Variants in PLA2G4B observed in about 807,000 individuals in gnomAD.
PLA2G4B encodes phospholipase A2 group IVB.
In PLA2G4B, 122 loss-of-function variants were observed where a neutral mutation model predicts 95.8. The observed-to-expected ratio is 1.27, with a 90% CI of 1.10 to 1.48. PLA2G4B has a LOEUF of 1.48. Ranked by LOEUF, PLA2G4B falls within the 40% of genes most tolerant of loss-of-function variation. The pLI is 0.00. For synonymous variants in PLA2G4B, 518 were observed against 421.5 expected, an observed-to-expected ratio of 1.23 and a Z score of -2.80; for missense variants, 1,158 against 996.2, an observed-to-expected ratio of 1.16 and a Z score of -2.19.
chr15:41,842,093 C>A, intron 8 of PLA2G4B, 100 bp from the exon 9 acceptor site: 1 of 1,571,678 alleles, frequency 6.4e-7, no homozygotes. Flanking sequence ...CCCTTCCCGT[C>A]CCTCCCATAA....
rs1567172837 is a variant in PLA2G4B, at chr15:41,846,278, A to C, written c.1676A>C (p.Asp559Ala). The C allele has an allele frequency of 6.2e-7, 1 of 1,614,064 alleles. No homozygotes were observed. The highest frequency in any genetic ancestry group is 1.1e-5 in the South Asian group (1 of 91,080). The change falls in exon 17 of 20, where the codon GAT becomes GCT. Residue 559 changes from aspartate to alanine, a missense_variant. Physicochemically the swap from Asp to Ala is moderately radical, Grantham distance 126. Coordinates refer to ENST00000458483, the MANE Select transcript of PLA2G4B (RefSeq NM_001114633.2). ...TAGRIAEFFT[D>A]LLTWRPLAQA... The stretch of plus-strand genomic sequence containing the variant: ...GGCAGGATAGCTGAGTTTTTCACCG[A>C]TCTTCTGACGTGGCGTCCACTGGCC...
rs770237490 is a variant in PLA2G4B, at chr15:41,841,273, G to A, written c.435G>A (p.Val145=). The A allele has an allele frequency of 1.9e-6, 3 of 1,612,588 alleles. No individual in the cohort carries two copies. The highest frequency in any genetic ancestry group is 3.3e-5 in the Admixed American group (2 of 60,002). Reference sequence around the variant, plus strand: ...GGCTCGTCAGCAATGGCGTTCTGGTGGTGAGTGTGCCAGTGCTCTGGGAGG... The same window carrying A: ...GGCTCGTCAGCAATGGCGTTCTGGTAGTGAGTGTGCCAGTGCTCTGGGAGG... ...GEWLVSNGVL[V]ARELSCLHVQ... The change falls in exon 6 of 20, where the codon GTG becomes GTA. Residue 145 remains valine (V), a splice_region_variant and synonymous_variant. Coordinates refer to ENST00000458483, the MANE Select transcript of PLA2G4B (RefSeq NM_001114633.2).
intron 6 of PLA2G4B, 43 bp from the exon 7 acceptor site, chr15:41,841,474 G>A (rs199558878): frequency 2.4e-4 from 393 of 1,613,638 alleles, no homozygotes; most frequent in Middle Eastern, 1.2e-3. Flanking sequence ...GTCCCTGAAT[G>A]GGGGGTGGGG....
At chr15:41,847,201 C>A in intron 18 of PLA2G4B, 136 bp from the exon 19 acceptor site, 1 of 1,371,040 alleles carries the variant, frequency 7.3e-7, no homozygotes, top group Non-Finnish European at 9.7e-7. Flanking sequence ...AGTTTTTTTC[C>A]AACGACTGGC....
intron 18 of PLA2G4B, 89 bp downstream of exon 18, chr15:41,846,924 G>A: frequency 6.9e-7 from 1 of 1,450,338 alleles, no homozygotes; most frequent in Non-Finnish European, 9.2e-7. Context: ...GTCTGGTTCA[G>A]CTTCCTTTAG....
chr15:41,839,174 G>C (rs2065379053), intron 1 of PLA2G4B: 1 of 380,980 alleles, frequency 2.6e-6, no homozygotes, highest in African/African-American at 2.1e-5. Context: ...TTGGGCCCTG[G>C]AGACTCAGAG....
intron 6 of PLA2G4B, 116 bp from the exon 7 acceptor site, chr15:41,841,401 C>T (rs1567169433): frequency 1.2e-6 from 2 of 1,607,332 alleles, no homozygotes; most frequent in Non-Finnish European, 1.7e-6. Context: ...TAAGGGAATA[C>T]AATCTCAAGG....
At chr15:41,842,337 A>G in intron 9 of PLA2G4B, 61 bp downstream of exon 9, 2 of 1,603,130 alleles carry the variant, frequency 1.2e-6, no homozygotes, top group South Asian at 2.2e-5. Context: ...CAGGCCACAA[A>G]GGGAGGGGCC....
chr15:41,840,717 CCTG>C, intron 3 of PLA2G4B, 54 bp from the exon 4 acceptor site: 1 of 1,606,792 alleles, frequency 6.2e-7, no homozygotes, highest in Non-Finnish European at 8.5e-7. Flanking sequence ...CTGCCGCTGC[CCTG>C]CTCACCTTTC....
At chr15:41,844,732 A>C in intron 12 of PLA2G4B, 116 bp from the exon 13 acceptor site, 1 of 1,560,762 alleles carries the variant, frequency 6.4e-7, no homozygotes, top group Non-Finnish European at 8.7e-7. Flanking sequence ...AAACGTGCTC[A>C]AGGGGACCCT....
chr15:41,842,201 C>A lies in PLA2G4B; in HGVS notation c.630C>A (p.Pro210=). ...TTCTTTGTCCCCTGCAGGATGCCCCCGAGGAGCAACTAAAGGCGCCACTGA... is the reference window on the plus strand; with the variant it reads ...TTCTTTGTCCCCTGCAGGATGCCCCAGAGGAGCAACTAAAGGCGCCACTGA... The part of the protein sequence containing the change: ...QELSIRLQDA[P]EEQLKAPLSA... The change falls in exon 9 of 20, where the codon CCC becomes CCA. Residue 210 remains proline (P), a synonymous_variant. Transcript: ENST00000458483. The A allele has an allele frequency of 6.2e-7, 1 of 1,613,978 alleles. No homozygotes were observed. Among genetic ancestry groups the A allele is most frequent in the Non-Finnish European group, 8.5e-7 (1 of 1,179,972 alleles).
At position 41,841,283 on chromosome 15, in the gene PLA2G4B, C is replaced by T. The variant is rs1185695355; in HGVS notation, c.435+10C>T. On this transcript the variant is annotated intron_variant, in intron 6 of 19. Coordinates refer to ENST00000458483, the MANE Select transcript of PLA2G4B (RefSeq NM_001114633.2). Reference sequence around the variant, plus strand: ...CAATGGCGTTCTGGTGGTGAGTGTGCCAGTGCTCTGGGAGGCGGTCTGGGG... The same window carrying T: ...CAATGGCGTTCTGGTGGTGAGTGTGTCAGTGCTCTGGGAGGCGGTCTGGGG... 6.2e-7 allele frequency: 1 copy of T among 1,612,344 alleles called. No homozygotes were observed. The highest frequency in any genetic ancestry group is 1.7e-5 in the Admixed American group (1 of 60,010).
rs34807597 is a variant in PLA2G4B, at chr15:41,845,003, G to T, written c.1172G>T (p.Arg391Leu). 3 of 1,606,234 alleles carry T rather than the reference G, an allele frequency of 1.9e-6. No individual in the cohort carries two copies. Among genetic ancestry groups the T allele is most frequent in the Middle Eastern group, 1.7e-4 (1 of 6,050 alleles). ...RYRQELAERA[R>L]LGYPSCFTNL... ...CGGCAGGAGCTGGCCGAGCGTGCCC[G>T]CTTGGGCTACCCAAGCTGCTTCACC... Residue 391 changes from arginine (R) to leucine (L), a missense_variant, in exon 13 of 20, where the codon CGC (arginine) becomes CTC (leucine). Transcript: ENST00000458483.
Position 41,840,887 on chromosome 15 carries a change from C to A in PLA2G4B, c.333C>A (p.Ser111Arg), listed in dbSNP as rs746843616. 16 of 1,613,388 alleles carry A rather than the reference C, an allele frequency of 9.9e-6. No individual in the cohort carries two copies. Among genetic ancestry groups the A allele is most frequent in the Non-Finnish European group, 1.1e-5 (13 of 1,179,560 alleles). ...GGGCTGGGGAGTTCCGGCGCGAGAG[C>A]TTCTCACTGAGCCCTCAGGCAAGGC... is the stretch of plus-strand genomic sequence containing the variant. ...TLRAGEFRRESFSLSPQGEGR... is the reference protein window; with the variant it reads ...TLRAGEFRRERFSLSPQGEGR... The change falls in exon 4 of 20, where the codon AGC becomes AGA. Residue 111 changes from serine to arginine, a missense_variant. Transcript: ENST00000458483.
chr15:41,845,674 C>G lies in PLA2G4B; in HGVS notation c.1394C>G (p.Pro465Arg), dbSNP rs965411806. 1.9e-6 allele frequency: 3 copies of G among 1,614,042 alleles called. No homozygotes were observed. Among genetic ancestry groups the G allele is most frequent in the Non-Finnish European group, 2.5e-6 (3 of 1,180,030 alleles). ...TTCTCTCCCTACGAGGTCGGCTTCC[C>G]CAAGTACGGGGCCTTCATCCCCTCT... is the stretch of plus-strand genomic sequence containing the variant. ...CEFSPYEVGF[P>R]KYGAFIPSEL... The change falls in exon 15 of 20, where the codon CCC (proline) becomes CGC (arginine). Residue 465 changes from proline to arginine, a missense_variant. Coordinates refer to ENST00000458483, the MANE Select transcript of PLA2G4B (RefSeq NM_001114633.2).
At chr15:41,841,348 C>T (rs2065428893) in intron 6 of PLA2G4B, 75 bp downstream of exon 6, 15 of 1,610,492 alleles carry the variant, frequency 9.3e-6, no homozygotes, top group Non-Finnish European at 1.3e-5. Flanking sequence ...GAGGTACAGG[C>T]CCACCGCTGC....
Position 41,845,644 on chromosome 15 carries a change from GCGAGTT to G in PLA2G4B, c.1366_1371del (p.Glu456_Phe457del). The stretch of plus-strand genomic sequence containing the variant: ...AGGCGTGGACTCCTCACAGAGTGGT[GCGAGTT>G]CTCTCCCTACGAGGTCGGCTTCCCC... On this transcript the variant is annotated inframe_deletion, in exon 15 of 20. Coordinates refer to ENST00000458483, the MANE Select transcript of PLA2G4B (RefSeq NM_001114633.2). 6.2e-7 allele frequency: 1 copy of G among 1,614,146 alleles called. No individual in the cohort carries two copies. Among genetic ancestry groups the G allele is most frequent in the Non-Finnish European group, 8.5e-7 (1 of 1,180,018 alleles).
rs202066624 is a variant in PLA2G4B, at chr15:41,846,253, G to A, written c.1651G>A (p.Gly551Ser). 6.1e-5 allele frequency: 98 copies of A among 1,613,960 alleles called. 1 individual carries two copies. Among genetic ancestry groups the A allele is most frequent in the South Asian group, 8.8e-5 (8 of 91,088 alleles). Reference sequence around the variant, plus strand: ...GATAGAAGAACCACCCTCAACAGCCGGCAGGATAGCTGAGTTTTTCACCGA... The same window carrying A: ...GATAGAAGAACCACCCTCAACAGCCAGCAGGATAGCTGAGTTTTTCACCGA... ...LKIEEPPSTA[G>S]RIAEFFTDLL... Residue 551 changes from glycine to serine, a missense_variant, in exon 17 of 20, where the codon GGC becomes AGC. Transcript: ENST00000458483.
intron 12 of PLA2G4B, 108 bp from the exon 13 acceptor site, chr15:41,844,740 C>G (rs1734984033): frequency 6.5e-7 from 1 of 1,549,502 alleles, no homozygotes; most frequent in Non-Finnish European, 8.7e-7. Flanking sequence ...TCAAGGGGAC[C>G]CTGGGAAGGT....
Sources: allele counts gnomAD v4.1 joint callset, GRCh38; gene constraint gnomAD v4.1.1; transcripts MANE v1.5; gene names NCBI Gene and HGNC (gene_info 2026-07-23, HGNC 2026-07-21).